The following RAPGEF6 variants were observed in gnomAD, a reference collection of about 807,000 sequenced individuals.
RAPGEF6 encodes the protein PDZ domain containing guanine nucleotide exchange factor (GEF) 2.
RAPGEF6 carries 56 observed loss-of-function variants against 171.4 expected under a neutral mutation model. That is an observed-to-expected ratio of 0.33 (90% CI 0.26 to 0.41). The LOEUF is 0.41. Ranked by LOEUF, RAPGEF6 falls within the 10% of genes least tolerant of loss-of-function variation. The pLI, the probability that RAPGEF6 is intolerant of heterozygous loss-of-function variation, is 1.00. For synonymous variants in RAPGEF6, 692 were observed against 650.1 expected (o/e 1.06, Z -0.98); for missense variants, 1,674 against 1,921.4 (o/e 0.87, Z 2.41).
intron 6 of RAPGEF6, among the ~76,000 whole-genome samples, chr5:131,532,568 T>G (rs558666401): frequency 6.6e-6 from 1 of 152,258 alleles, no homozygotes; most frequent in African/African-American, 2.4e-5. Flanking sequence ...TTCTTCAACT[T>G]ATTTCATTCT....
chr5:131,429,777 G>C (rs1751585443), intron 26 of RAPGEF6, among the ~76,000 whole-genome samples: 1 of 152,144 alleles, frequency 6.6e-6, no homozygotes, highest in African/African-American at 2.4e-5. Context: ...CTTCTGGCCA[G>C]GTGCGGTGGT....
intron 17 of RAPGEF6, 87 bp from the exon 18 acceptor site, chr5:131,464,368 C>A: frequency 1.1e-6 from 1 of 926,270 alleles, no homozygotes; most frequent in East Asian, 2.5e-5. Context: ...ACAGTGATCC[C>A]TCTGAACACT....
chr5:131,559,852 A>G (rs1761482606), intron 5 of RAPGEF6, among the ~76,000 whole-genome samples: 1 of 151,914 alleles, frequency 6.6e-6, no homozygotes, highest in Admixed American at 6.6e-5. Flanking sequence ...AGAAAAAAAA[A>G]AAAGAAAAAA....
chr5:131,443,709 A>G (rs1349038857), intron 22 of RAPGEF6, among the ~76,000 whole-genome samples: 2 of 152,122 alleles, frequency 1.3e-5, no homozygotes, highest in Admixed American at 6.5e-5. Flanking sequence ...CACCAGTCCT[A>G]TACTCTCATT....
chr5:131,525,851 A>C (rs898377739), intron 6 of RAPGEF6, among the ~76,000 whole-genome samples: 1 of 152,208 alleles, frequency 6.6e-6, no homozygotes, highest in African/African-American at 2.4e-5. Flanking sequence ...CAAAGCCAGA[A>C]GTCTCCCAAG....
At chr5:131,556,177 C>T (rs1295049681) in intron 5 of RAPGEF6, among the ~76,000 whole-genome samples, 2 of 152,178 alleles carry the variant, frequency 1.3e-5, no homozygotes, top group Admixed American at 6.5e-5. Context: ...CAGTGGCTCA[C>T]GCCTGTAATC....
intron 4 of RAPGEF6, among the ~76,000 whole-genome samples, chr5:131,580,225 A>C (rs563689514): frequency 6.6e-6 from 1 of 152,278 alleles, no homozygotes; most frequent in East Asian, 1.9e-4. Context: ...TGGCATGGGC[A>C]GGCCGGCAGT....
In RAPGEF6 at chr5:131,489,556, G is replaced by T; in HGVS notation, c.1830C>A (p.Thr610=). ...TACAACAAAACTCACCAAAAATGTT[G>T]GTCTTCACAGTAAGTGCAAGATGAG... ...NNTHLALTVK[T]NIFVFKELLF... is the part of the protein sequence containing the mutation. Residue 610 remains threonine (T), a synonymous_variant, in exon 15 of 28, where the codon ACC becomes ACA. Transcript: ENST00000509018. 1 of 1,569,724 alleles carries T rather than the reference G, an allele frequency of 6.4e-7. No individual in the cohort carries two copies. The highest frequency in any genetic ancestry group is 1.2e-5 in the South Asian group (1 of 84,256).
chr5:131,529,439 G>A (rs948574501), intron 6 of RAPGEF6, among the ~76,000 whole-genome samples: 2 of 149,544 alleles, frequency 1.3e-5, no homozygotes, highest in African/African-American at 5.0e-5. Flanking sequence ...TTGCACCACT[G>A]CACTCCAGCC....
At chr5:131,487,316 G>A (rs545678214) in intron 15 of RAPGEF6, among the ~76,000 whole-genome samples, 4 of 152,218 alleles carry the variant, frequency 2.6e-5, no homozygotes, top group Admixed American at 2.0e-4. Flanking sequence ...AGCTTCCAGA[G>A]GGTGGAAGGG....
intron 7 of RAPGEF6, among the ~76,000 whole-genome samples, chr5:131,511,481 C>CTTT (rs55782171): frequency 0.01 from 1,432 of 137,228 alleles, 41 homozygotes; most frequent in East Asian, 0.014. Context: ...AAAAGATCAT[C>CTTT]TTTTTTTTTT....
At chr5:131,433,802 T>C (rs941529856) in intron 24 of RAPGEF6, 144 bp from the exon 25 acceptor site, 1 of 647,018 alleles carries the variant, frequency 1.5e-6, no homozygotes, top group Admixed American at 2.9e-5. Context: ...TATGTAGATA[T>C]AATGGTGCCA....
At chr5:131,472,988 T>C (rs1391727088) in intron 16 of RAPGEF6, 1 of 440,996 alleles carries the variant, frequency 2.3e-6, no homozygotes, top group East Asian at 4.1e-5. Context: ...CCTAATTAAA[T>C]TGTCTTATTT....
In RAPGEF6 at chr5:131,428,940, T is replaced by A. The variant is rs1465073785; in HGVS notation, c.4742A>T (p.Lys1581Ile). 1 of 1,614,188 alleles carries A rather than the reference T, an allele frequency of 6.2e-7. No homozygotes were observed. Among genetic ancestry groups the A allele is most frequent in the Non-Finnish European group, 8.5e-7 (1 of 1,180,008 alleles). The change falls in exon 27 of 28, where the codon AAA becomes ATA. Residue 1581 changes from lysine (K) to isoleucine (I), a missense_variant. By Grantham distance (102) the Lys-to-Ile change is moderately radical. Coordinates refer to ENST00000509018, the MANE Select transcript of RAPGEF6 (RefSeq NM_016340.6). ...ATCTGCATCAGTCACATCTCCTAGTTTAGGATGGAATGGCTGCAAATTATG... is the reference window on the plus strand; with the variant it reads ...ATCTGCATCAGTCACATCTCCTAGTATAGGATGGAATGGCTGCAAATTATG... ...QRHNLQPFHP[K>I]LGDVTDADSE...
At chr5:131,494,301 C>T (rs1414265409) in intron 13 of RAPGEF6, among the ~76,000 whole-genome samples, 1 of 152,182 alleles carries the variant, frequency 6.6e-6, no homozygotes, top group Non-Finnish European at 1.5e-5. Flanking sequence ...TTGAAGGAGG[C>T]AACCAAGTCA....
chr5:131,620,709 G>A (rs1029016627), intron 1 of RAPGEF6, among the ~76,000 whole-genome samples: 2 of 151,826 alleles, frequency 1.3e-5, no homozygotes, highest in African/African-American at 4.8e-5. Context: ...TCACGCCTCA[G>A]CCTCCCAAGC....
intron 20 of RAPGEF6, 122 bp from the exon 21 acceptor site, chr5:131,453,299 G>T (rs760170084): frequency 1.4e-6 from 2 of 1,432,824 alleles, no homozygotes; most frequent in Non-Finnish European, 1.8e-6. Flanking sequence ...TGCCAATTTT[G>T]CTTTTAAGAA....
At chr5:131,443,596 T>A (rs544475761) in intron 22 of RAPGEF6, among the ~76,000 whole-genome samples, 1 of 152,230 alleles carries the variant, frequency 6.6e-6, no homozygotes, top group Non-Finnish European at 1.5e-5. Context: ...AACTTGCCCC[T>A]GCTTTTAGAA....
At chr5:131,429,259 A>T (rs1751554172) in intron 26 of RAPGEF6, 43 bp from the exon 27 acceptor site, 8 of 1,442,420 alleles carry the variant, frequency 5.5e-6, no homozygotes, top group Non-Finnish European at 7.5e-6. Flanking sequence ...TGAAAAAGAA[A>T]TGGAAAAAAA....
Sources: allele counts gnomAD v4.1 joint callset (sites outside exome capture counted in the v4.1 genomes callset), GRCh38; gene constraint gnomAD v4.1.1; transcripts MANE v1.5; gene names NCBI Gene and HGNC (gene_info 2026-07-23, HGNC 2026-07-21).